EML1: variants seen among roughly 807,000 people sequenced by gnomAD.
EML1 encodes EMAP like 1.
A neutral mutation model predicts 110.4 loss-of-function variants in EML1; 27 were observed. The ratio of observed to expected loss-of-function variants is 0.24; its 90% CI spans 0.18 to 0.34. The LOEUF (loss-of-function observed/expected upper bound fraction) is 0.34, where lower values mean the gene tolerates loss of function less well. Among genes scored for constraint, EML1 ranks in the 10% least tolerant of loss-of-function variants. The probability of loss-of-function intolerance (pLI) is 1.00; values close to 1 mark genes in which losing one functional copy is unlikely to be tolerated. For missense variants in EML1, 741 were observed against 1,030.9 expected, an observed-to-expected ratio of 0.72 and a Z score of 3.85; for synonymous variants, 344 against 385.8, an observed-to-expected ratio of 0.89 and a Z score of 1.27.
intron 1 of EML1, among the ~76,000 whole-genome samples, chr14:99,783,001 T>TA (rs398044032): frequency 4.0e-5 from 6 of 151,206 alleles, no homozygotes; most frequent in Non-Finnish European, 7.4e-5. Flanking sequence ...TATATATATA[T>TA]TTTTATTATA....
exon 1 of EML1, chr14:99,737,729 G>T (rs963172748): frequency 2.5e-6 from 3 of 1,208,772 alleles, no homozygotes; most frequent in South Asian, 1.3e-5. Context: ...GCTGCCTGGG[G>T]CTGGACGCGG....
At chr14:99,792,412 T>C (rs10129739), upstream of EML1, among the ~76,000 whole-genome samples, 18,385 of 152,212 alleles carry the variant, frequency 0.12, 2,030 homozygotes, top group African/African-American at 0.29. Flanking sequence ...TATTCTAATT[T>C]ATTGCTTCCC....
chr14:99,896,293 A>C (rs893621146), intron 6 of EML1, among the ~76,000 whole-genome samples: 4 of 152,182 alleles, frequency 2.6e-5, no homozygotes, highest in Admixed American at 6.5e-5. Flanking sequence ...ATTTGAGATT[A>C]TGGAATCATA....
intron 17 of EML1, among the ~76,000 whole-genome samples, chr14:99,923,341 C>G (rs368533657): frequency 6.6e-6 from 1 of 152,136 alleles, no homozygotes; most frequent in Non-Finnish European, 1.5e-5. Flanking sequence ...CCTTTGGGGT[C>G]GTATCCAAGA....
rs2045051236 is a variant in EML1, at chr14:99,827,938, CTG to C, written c.68-22913_68-22912del. Among the ~76,000 whole-genome samples, 1 of 152,172 alleles carries C rather than the reference CTG, an allele frequency of 6.6e-6. No individual in the cohort carries two copies. The highest frequency in any genetic ancestry group is 2.4e-5 in the African/African-American group (1 of 41,440). ...CGATGGTTGGTGTATAATATGAACACTGTCTCTGCAGGATTCTTGCCTGTGAA... is the reference window on the plus strand; with the variant it reads ...CGATGGTTGGTGTATAATATGAACACTCTCTGCAGGATTCTTGCCTGTGAA... On this transcript the variant is annotated intron_variant, in intron 1 of 21. Coordinates refer to ENST00000262233, the MANE Select transcript of EML1 (RefSeq NM_004434.3). This position sits in a 1 kb window ranked among gnomAD's most constrained non-coding sequence, Gnocchi z 4.4.
At chr14:99,768,321 G>GT (rs1383425133), upstream of EML1, among the ~76,000 whole-genome samples, 2 of 152,338 alleles carry the variant, frequency 1.3e-5, no homozygotes, top group East Asian at 3.9e-4. Context: ...TCATGGTGGA[G>GT]TGGTGAGATG....
intron 2 of EML1, among the ~76,000 whole-genome samples, chr14:99,854,082 C>T (rs574910331): frequency 2.8e-4 from 43 of 152,148 alleles, no homozygotes; most frequent in Admixed American, 1.6e-3. Context: ...GCTGTCTGCC[C>T]AATGCTGGGC....
chr14:99,897,333 C>T (rs752348979), intron 7 of EML1, 39 bp downstream of exon 7: 2 of 1,557,990 alleles, frequency 1.3e-6, no homozygotes, highest in Non-Finnish European at 8.7e-7. Context: ...ACTCAGAAGG[C>T]GAAGGTAGGA....
upstream of EML1, among the ~76,000 whole-genome samples, chr14:99,789,131 A>G (rs2057631817): frequency 6.6e-6 from 1 of 152,144 alleles, no homozygotes; most frequent in African/African-American, 2.4e-5. Flanking sequence ...GGGTGTATGA[A>G]TATCTGTCCA....
At chr14:99,891,248 G>T in intron 5 of EML1, 21 bp downstream of exon 5, 2 of 1,613,896 alleles carry the variant, frequency 1.2e-6, no homozygotes, top group Non-Finnish European at 1.7e-6. Context: ...TTTAATTTAT[G>T]TATGGGAACC....
At chr14:99,749,086 C>T (rs1363947583) in intron 1 of EML1, among the ~76,000 whole-genome samples, 2 of 152,204 alleles carry the variant, frequency 1.3e-5, no homozygotes, top group East Asian at 1.9e-4. Context: ...GTTATTTCCA[C>T]GCTTTGGCCA....
intron 1 of EML1, among the ~76,000 whole-genome samples, chr14:99,744,191 A>G (rs2057077216): frequency 6.6e-6 from 1 of 152,160 alleles, no homozygotes; most frequent in African/African-American, 2.4e-5. Context: ...GAATAAACAA[A>G]TCTCAATGGC....
intron 1 of EML1, among the ~76,000 whole-genome samples, chr14:99,774,998 AG>A (rs1345508836): frequency 6.6e-6 from 1 of 152,218 alleles, no homozygotes; most frequent in Non-Finnish European, 1.5e-5. Flanking sequence ...TCAGAAAAAA[AG>A]CTTTTCTGTT....
chr14:99,929,238 C>T (rs1349506669), intron 17 of EML1, among the ~76,000 whole-genome samples: 3 of 152,176 alleles, frequency 2.0e-5, no homozygotes, highest in Non-Finnish European at 4.4e-5. Context: ...CCGGGCCAAC[C>T]GCATTTGAAT....
intron 1 of EML1, among the ~76,000 whole-genome samples, chr14:99,807,434 G>T (rs1051553528): frequency 1.3e-5 from 2 of 152,174 alleles, no homozygotes; most frequent in African/African-American, 4.8e-5. Context: ...GCCAATTTAA[G>T]GCGATTGTGA....
At chr14:99,782,927 AC>A (rs1313164175) in intron 1 of EML1, among the ~76,000 whole-genome samples, 3 of 152,108 alleles carry the variant, frequency 2.0e-5, no homozygotes, top group Non-Finnish European at 2.9e-5. Flanking sequence ...TTGAAGCATA[AC>A]CTGTATCAAT....
At chr14:99,799,578 G>C (rs2057836896) in intron 1 of EML1, among the ~76,000 whole-genome samples, 1 of 152,194 alleles carries the variant, frequency 6.6e-6, no homozygotes, top group Non-Finnish European at 1.5e-5. Flanking sequence ...CGCTAAGCGA[G>C]AATTTCTAAT....
intron 1 of EML1, among the ~76,000 whole-genome samples, chr14:99,810,212 A>G (rs1039571973): frequency 6.6e-6 from 1 of 152,334 alleles, no homozygotes; most frequent in South Asian, 2.1e-4. Flanking sequence ...GATGCTACAG[A>G]GCCAGGCTGT....
At chr14:99,873,680 A>G (rs1355111470) in intron 3 of EML1, among the ~76,000 whole-genome samples, 1 of 152,240 alleles carries the variant, frequency 6.6e-6, no homozygotes. Context: ...AGAATTCTCT[A>G]AGATTCTCCC....
Sources: gnomAD v4.1 joint callset for allele counts (sites outside exome capture counted in the v4.1 genomes callset) on GRCh38, gnomAD v4.1.1 for gene constraint, Gnocchi (gnomAD v3.1) non-coding constraint, MANE v1.5 for transcripts, NCBI Gene and HGNC (gene_info 2026-07-23, HGNC 2026-07-21) for gene names.